Variants in WDR7 observed in about 807,000 individuals in gnomAD.
WDR7 encodes the protein WD repeat-containing protein 7.
Under a neutral mutation model 169.4 loss-of-function variants are expected in WDR7, and 46 were observed. That is an observed-to-expected ratio of 0.27 (90% CI 0.21 to 0.35). The LOEUF (loss-of-function observed/expected upper bound fraction) is 0.35. WDR7 is among the 10% of genes least tolerant of loss of function. The probability of loss-of-function intolerance (pLI) is 1.00; values close to 1 mark genes in which losing one functional copy is unlikely to be tolerated. For synonymous variants in WDR7, 612 were observed against 666.8 expected (o/e 0.92, Z 1.27); for missense variants, 1,534 against 1,859.3 (o/e 0.83, Z 3.22).
chr18:56,652,080 G>T (rs2024667712), intron 1 of WDR7, among the ~76,000 whole-genome samples: 1 of 152,128 alleles, frequency 6.6e-6, no homozygotes, highest in Non-Finnish European at 1.5e-5. Flanking sequence ...TGTCTGAGCG[G>T]ATGCCAGTCA....
At chr18:56,822,774 T>G (rs1242481716) in intron 20 of WDR7, among the ~76,000 whole-genome samples, 1 of 152,216 alleles carries the variant, frequency 6.6e-6, no homozygotes, top group Non-Finnish European at 1.5e-5. Flanking sequence ...ATTAAGGCTC[T>G]TAGTAATTAT....
intron 26 of WDR7, among the ~76,000 whole-genome samples, chr18:56,984,445 A>T (rs183383072): frequency 3.3e-4 from 50 of 152,334 alleles, no homozygotes; most frequent in African/African-American, 1.2e-3. Flanking sequence ...AAAATGTAGC[A>T]TAGTTTTAGT....
rs556501654 is a variant in WDR7, at chr18:56,891,590, T to C, written c.3526+11425T>C. ...CTTCGTAAGAACCCTGTGAGGTAGA[T>C]AGTATTATCACCATTTTGTATATAA... On this transcript the variant is annotated intron_variant, in intron 21 of 27. Transcript: ENST00000254442. 2.6e-5 allele frequency among the ~76,000 whole-genome samples: 4 copies of C among 152,220 alleles called. No homozygotes were observed. The East Asian group carries it at 5.8e-4, about 22-fold the overall frequency.
intron 20 of WDR7, among the ~76,000 whole-genome samples, chr18:56,847,458 A>C (rs1171212617): frequency 6.6e-6 from 1 of 152,208 alleles, no homozygotes; most frequent in African/African-American, 2.4e-5. Context: ...GTGGCAGAGA[A>C]AGAATATTTT....
chr18:56,658,915 A>G (rs1187700261), intron 1 of WDR7, among the ~76,000 whole-genome samples: 1 of 151,830 alleles, frequency 6.6e-6, no homozygotes, highest in African/African-American at 2.4e-5. Context: ...ATGGGGTTTC[A>G]CCATGTTGGC....
intron 2 of WDR7, among the ~76,000 whole-genome samples, chr18:56,678,532 T>C (rs1407159092): frequency 6.6e-6 from 1 of 152,044 alleles, no homozygotes; most frequent in Non-Finnish European, 1.5e-5. Flanking sequence ...AGTCTCACTC[T>C]GTCCCCCAAG....
intron 20 of WDR7, among the ~76,000 whole-genome samples, chr18:56,826,793 A>AT (rs2045212482): frequency 6.6e-6 from 1 of 152,164 alleles, no homozygotes; most frequent in Non-Finnish European, 1.5e-5. Context: ...CTGTAAATGT[A>AT]TTTTTTCAGT....
intron 21 of WDR7, among the ~76,000 whole-genome samples, chr18:56,906,951 C>T (rs192244546): frequency 1.4e-3 from 212 of 152,334 alleles, no homozygotes; most frequent in African/African-American, 4.9e-3. Context: ...GGACTGTGTT[C>T]TGCATCTCTA....
chr18:56,678,466 G>GT (rs924210971), intron 2 of WDR7, among the ~76,000 whole-genome samples: 9 of 101,656 alleles, frequency 8.9e-5, no homozygotes, highest in African/African-American at 3.3e-4. Context: ...GTTCAAAGCT[G>GT]TATCTGCTTT....
intron 19 of WDR7, among the ~76,000 whole-genome samples, chr18:56,810,095 T>A (rs967208946): frequency 2.0e-5 from 3 of 152,180 alleles, no homozygotes; most frequent in African/African-American, 7.2e-5. Context: ...CTGGGAATTT[T>A]AAAAAATATT....
intron 21 of WDR7, among the ~76,000 whole-genome samples, chr18:56,882,199 T>C (rs1202215191): frequency 6.6e-6 from 1 of 152,228 alleles, no homozygotes; most frequent in Non-Finnish European, 1.5e-5. Context: ...TACAAAGGGC[T>C]CTTTAATTAG....
intron 19 of WDR7, among the ~76,000 whole-genome samples, chr18:56,790,872 A>G (rs755543861): frequency 6.6e-6 from 1 of 151,368 alleles, no homozygotes; most frequent in Non-Finnish European, 1.5e-5. Flanking sequence ...TTTTTTTTTT[A>G]TTTGTTTGAG....
intron 21 of WDR7, among the ~76,000 whole-genome samples, chr18:56,907,534 C>G (rs2046495903): frequency 6.6e-6 from 1 of 152,200 alleles, no homozygotes; most frequent in African/African-American, 2.4e-5. Context: ...TTGTACCCTT[C>G]TAGCTCTTGG....
Position 56,816,087 on chromosome 18 carries a change from C to A in WDR7, c.3247C>A (p.Pro1083Thr). The change falls in exon 20 of 28, where the codon CCT (proline) becomes ACT (threonine). Residue 1083 changes from proline (P) to threonine (T), a missense_variant. By Grantham distance (38) the Pro-to-Thr change is conservative. Transcript: ENST00000254442. ...TITTAPDASG[P>T]EAKVQEEEHD... Reference sequence around the variant, plus strand: ...CACCACGGCTCCTGATGCCTCAGGGCCTGAAGCAAAAGTCCAGGAGGAAGA... The same window carrying A: ...CACCACGGCTCCTGATGCCTCAGGGACTGAAGCAAAAGTCCAGGAGGAAGA... The A allele has an allele frequency of 1.2e-6, 2 of 1,613,762 alleles. No individual in the cohort carries two copies. The highest frequency in any genetic ancestry group is 1.7e-6 in the Non-Finnish European group (2 of 1,179,886).
At chr18:56,693,473 A>G (rs2025621291) in intron 9 of WDR7, among the ~76,000 whole-genome samples, 1 of 152,150 alleles carries the variant, frequency 6.6e-6, no homozygotes, top group African/African-American at 2.4e-5. Flanking sequence ...ATGAGCAAGT[A>G]AAACATGATA....
At chr18:56,986,602 C>T (rs1412428738) in intron 26 of WDR7, among the ~76,000 whole-genome samples, 1 of 152,028 alleles carries the variant, frequency 6.6e-6, no homozygotes, top group African/African-American at 2.4e-5. Context: ...TGGGCTGCCT[C>T]TGGATGACAG....
At chr18:56,730,773 T>A (rs1338878856) in intron 13 of WDR7, among the ~76,000 whole-genome samples, 4 of 151,260 alleles carry the variant, frequency 2.6e-5, no homozygotes, top group African/African-American at 9.7e-5. Context: ...CTCAAAAAAA[T>A]AAAAAATAAA....
intron 21 of WDR7, among the ~76,000 whole-genome samples, chr18:56,920,034 C>A (rs927095710): frequency 1.3e-5 from 2 of 152,088 alleles, no homozygotes; most frequent in African/African-American, 4.8e-5. Context: ...TTCACTGTTA[C>A]ACTTCATCCC....
At chr18:56,672,739 A>C in intron 2 of WDR7, 65 bp downstream of exon 2, 1 of 1,417,186 alleles carries the variant, frequency 7.1e-7, no homozygotes, top group Non-Finnish European at 9.3e-7. Context: ...AAGATAATAT[A>C]GTCCCCAAAT....
Sources: gnomAD v4.1 joint callset for allele counts (sites outside exome capture counted in the v4.1 genomes callset) on GRCh38, gnomAD v4.1.1 for gene constraint, MANE v1.5 for transcripts, NCBI Gene and HGNC (gene_info 2026-07-23, HGNC 2026-07-21) for gene names.